The following TTYH1 variants were observed in gnomAD, a reference collection of about 807,000 sequenced individuals.
The protein encoded by TTYH1 is protein tweety homolog 1.
TTYH1 carries 33 observed loss-of-function variants against 61.2 expected under a neutral mutation model. The ratio of observed to expected loss-of-function variants is 0.54; its 90% CI spans 0.41 to 0.72. The LOEUF (loss-of-function observed/expected upper bound fraction) is 0.72, where lower values mean the gene tolerates loss of function less well. Among genes scored for constraint, TTYH1 ranks in the 30% least tolerant of loss-of-function variants. TTYH1 has a pLI of 0.00. For synonymous variants in TTYH1, 308 were observed against 266.4 expected (o/e 1.16, Z -1.52); for missense variants, 538 against 575.8 (o/e 0.93, Z 0.67).
In TTYH1 at chr19:54,429,376, C is replaced by T. The variant is rs372594791; in HGVS notation, c.804C>T (p.Ala268=). The part of the protein sequence containing the change: ...WGSMGLEAAT[A]VGLSDFCSNP... ...CCATGGGCCTGGAGGCAGCCACGGC[C>T]GTGGTGAGTGCCAGGGCCGGGCCAT... The change falls in exon 6 of 14, where the codon GCC becomes GCT. Residue 268 remains alanine, a synonymous_variant. Coordinates refer to ENST00000376530, the MANE Select transcript of TTYH1 (RefSeq NM_020659.4). This position sits in a 1 kb window ranked among gnomAD's most constrained non-coding sequence, Gnocchi z 5.1. The T allele has an allele frequency of 5.3e-5, 86 of 1,613,604 alleles. No homozygotes were observed. The highest frequency in any genetic ancestry group is 6.4e-5 in the Non-Finnish European group (76 of 1,179,956).
chr19:54,415,616 G>A lies in TTYH1; in HGVS notation c.64G>A (p.Ala22Thr), dbSNP rs756293532. The A allele has an allele frequency of 5.1e-6, 8 of 1,561,298 alleles. No individual in the cohort carries two copies. The highest frequency in any genetic ancestry group is 1.7e-4 in the Middle Eastern group (1 of 5,796). The change falls in exon 1 of 14, where the codon GCC becomes ACC. Residue 22 changes from alanine to threonine, a missense_variant. Transcript: ENST00000376530. This position sits in a 1 kb window ranked among gnomAD's most constrained non-coding sequence, Gnocchi z 5.2. The stretch of plus-strand genomic sequence containing the variant: ...GCATCTCCTCCACCAGCTGCCCCGC[G>A]CCGACTTCCAGCTCCGCCCGGTGCC... The part of the protein sequence containing the change: ...WVHLLHQLPR[A>T]DFQLRPVPSV...
chr19:54,419,927 G>A lies in TTYH1; in HGVS notation c.305+621G>A, dbSNP rs942376176. 1.3e-5 allele frequency among the ~76,000 whole-genome samples: 2 copies of A among 152,172 alleles called. No individual in the cohort carries two copies. Among genetic ancestry groups the A allele is most frequent in the Non-Finnish European group, 2.9e-5 (2 of 68,028 alleles). On this transcript the variant is annotated intron_variant, in intron 2 of 13. Transcript: ENST00000376530. This position sits in a 1 kb window ranked among gnomAD's most constrained non-coding sequence, Gnocchi z 6.1. ...CACCCTCCAAGAGCACCTCATCTGT[G>A]CCCAGACCTGAGCTGGTCTAATTCC...
chr19:54,430,049 G>T (rs1042446773), intron 7 of TTYH1, 92 bp downstream of exon 7: 3 of 1,147,964 alleles, frequency 2.6e-6, no homozygotes, highest in East Asian at 2.4e-5. Flanking sequence ...TGCCCAGGGT[G>T]GGGTGGGGGT....
At chr19:54,424,139 T>C (rs567997194) in intron 4 of TTYH1, among the ~76,000 whole-genome samples, 16 of 150,474 alleles carry the variant, frequency 1.1e-4, no homozygotes, top group Non-Finnish European at 2.4e-4. Context: ...CCAGCCTGGG[T>C]GACGGAGCGA....
Position 54,431,197 on chromosome 19 carries a change from G to A in TTYH1, c.1125+6G>A, listed in dbSNP as rs747127407. On this transcript the variant is annotated splice_donor_region_variant and intron_variant, in intron 10 of 13. Coordinates refer to ENST00000376530, the MANE Select transcript of TTYH1 (RefSeq NM_020659.4). ...ACTGCCGCAGCCTGCACAAGGTGAA[G>A]CCCCTCCCCTCCCAATTTCTTCTCC... 11 of 1,609,360 alleles carry A rather than the reference G, an allele frequency of 6.8e-6. No homozygotes were observed. In the South Asian group the frequency reaches 1.1e-4, roughly 16 times the overall value.
At position 54,419,058 on chromosome 19, in the gene TTYH1, C is replaced by T. The variant is rs552248367; in HGVS notation, c.127-70C>T. 1.4e-3 allele frequency: 2,045 copies of T among 1,479,010 alleles called. 29 individuals are homozygous for T. Among genetic ancestry groups the T allele is most frequent in the Non-Finnish European group, 1.9e-4 (204 of 1,092,610 alleles). The allele number at this position is 1,479,010 out of a possible 1,614,324, so 91.6% of individuals were successfully genotyped here. A position where few individuals can be genotyped will look rare whatever the true frequency, so the allele number is the denominator to read the frequency against. ...ATCCCAGACCCCGACCCCCCAGCCACGCAGGAAGGGGGATCTGAGTGTGGA... is the reference window on the plus strand; with the variant it reads ...ATCCCAGACCCCGACCCCCCAGCCATGCAGGAAGGGGGATCTGAGTGTGGA... On this transcript the variant is annotated intron_variant, in intron 1 of 13. Transcript: ENST00000376530. This position sits in a 1 kb window ranked among gnomAD's most constrained non-coding sequence, Gnocchi z 6.1.
In TTYH1 at chr19:54,436,720, G is replaced by C; in HGVS notation, c.*430G>C. The C allele has an allele frequency of 2.8e-6, 1 of 354,776 alleles. No homozygotes were observed. Among genetic ancestry groups the C allele is most frequent in the Admixed American group, 4.1e-5 (1 of 24,258 alleles). 22.0% of individuals were successfully genotyped at this position (354,776 alleles called of 1,614,324 possible). ...AAAAGGGAAGACTATTTTACAAGCA[G>C]CTGGGTCCTCCTTATTTCTCCTCTC... On this transcript the variant is annotated 3_prime_UTR_variant, in exon 14 of 14. Coordinates refer to ENST00000376530, the MANE Select transcript of TTYH1 (RefSeq NM_020659.4). The surrounding 1 kb of genome is among the most constrained non-coding windows in gnomAD (Gnocchi z 4.3).
In TTYH1 at chr19:54,436,793, C is replaced by G. The variant is rs548776500; in HGVS notation, c.*503C>G. 3.2e-3 allele frequency: 619 copies of G among 190,936 alleles called. 5 individuals carry two copies. The highest frequency in any genetic ancestry group is 5.6e-3 in the Non-Finnish European group (519 of 92,516). The allele number at this position is 190,936 out of a possible 1,614,324, so 11.8% of individuals were successfully genotyped here. A position where few individuals can be genotyped will look rare whatever the true frequency, so the allele number is the denominator to read the frequency against. On this transcript the variant is annotated 3_prime_UTR_variant, in exon 14 of 14. Coordinates refer to ENST00000376530, the MANE Select transcript of TTYH1 (RefSeq NM_020659.4). The surrounding 1 kb of genome is among the most constrained non-coding windows in gnomAD (Gnocchi z 4.3). ...GGGCTGGGACATCCTCCCTGCTGTC[C>G]TCTCTCCCCCGGCCTCCCAGCTGCC...
chr19:54,426,766 C>A lies in TTYH1; in HGVS notation c.732C>A (p.Ile244=). The A allele has an allele frequency of 6.2e-7, 1 of 1,613,372 alleles. No individual in the cohort carries two copies. Among genetic ancestry groups the A allele is most frequent in the Non-Finnish European group, 8.5e-7 (1 of 1,179,840 alleles). The change falls in exon 5 of 14, where the codon ATC becomes ATA. Residue 244 remains isoleucine (I), a splice_region_variant and synonymous_variant. Coordinates refer to ENST00000376530, the MANE Select transcript of TTYH1 (RefSeq NM_020659.4). ...GLAKQSKWLV[I]VMTVMSLLVL... is the part of the protein sequence containing the mutation. ...CGAAGCAGAGCAAGTGGCTGGTGATCGTGTAAGTGCAGGCAGTAGGGGGAC... is the reference window on the plus strand; with the variant it reads ...CGAAGCAGAGCAAGTGGCTGGTGATAGTGTAAGTGCAGGCAGTAGGGGGAC...
At chr19:54,424,798 G>C (rs2083290077) in intron 4 of TTYH1, among the ~76,000 whole-genome samples, 1 of 152,238 alleles carries the variant, frequency 6.6e-6, no homozygotes, top group South Asian at 2.1e-4. Context: ...CCAGAGACCA[G>C]GGTAAGGAGT....
In TTYH1 at chr19:54,421,418, G is replaced by A. The variant is rs748288492; in HGVS notation, c.417+30G>A. ...GGGGCCAGCAACCAGTGGGACCCCA[G>A]ACCCACACCTGGACGGGCTCCCCAC... On this transcript the variant is annotated intron_variant, in intron 3 of 13. Transcript: ENST00000376530. The surrounding 1 kb of genome is among the most constrained non-coding windows in gnomAD (Gnocchi z 4.8). 1.2e-5 allele frequency: 17 copies of A among 1,467,274 alleles called. No individual in the cohort carries two copies. The highest frequency in any genetic ancestry group is 3.4e-4 in the Middle Eastern group (2 of 5,814). The allele number at this position is 1,467,274 out of a possible 1,614,324, so 90.9% of individuals were successfully genotyped here.
At chr19:54,431,029 G>A (rs898323357) in intron 9 of TTYH1, 70 bp from the exon 10 acceptor site, 7 of 1,483,760 alleles carry the variant, frequency 4.7e-6, no homozygotes, top group Non-Finnish European at 6.5e-6. Flanking sequence ...GGGCGGGGAC[G>A]CAGGGCGGGG....
chr19:54,433,918 G>A (rs756206434), intron 10 of TTYH1, among the ~76,000 whole-genome samples: 1 of 151,942 alleles, frequency 6.6e-6, no homozygotes, highest in Non-Finnish European at 1.5e-5. Flanking sequence ...TGCCTGGCAG[G>A]GCTGTTGTGA....
chr19:54,417,355 T>C (rs1291664215), intron 1 of TTYH1, among the ~76,000 whole-genome samples: 1 of 149,726 alleles, frequency 6.7e-6, no homozygotes, highest in Non-Finnish European at 1.5e-5. Context: ...ATTACACACA[T>C]GCACACACAC....
intron 5 of TTYH1, 128 bp downstream of exon 5, chr19:54,426,896 GAGTC>G: frequency 1.3e-6 from 1 of 796,504 alleles, no homozygotes. Context: ...GAAGAAAAGA[GAGTC>G]AGAGCAGCCC....
At chr19:54,430,427 A>G in intron 7 of TTYH1, 123 bp from the exon 8 acceptor site, 3 of 1,062,686 alleles carry the variant, frequency 2.8e-6, no homozygotes, top group South Asian at 2.7e-5. Context: ...AGGTAAGGCC[A>G]TCGGGCTCCA....
In TTYH1 at chr19:54,419,533, C is replaced by A. The variant is rs1039536308; in HGVS notation, c.305+227C>A. 1.4e-6 allele frequency: 1 copy of A among 709,000 alleles called. No individual in the cohort carries two copies. Among genetic ancestry groups the A allele is most frequent in the African/African-American group, 1.7e-5 (1 of 57,354 alleles). The allele number at this position is 709,000 out of a possible 1,614,324, so 43.9% of individuals were successfully genotyped here. On this transcript the variant is annotated intron_variant, in intron 2 of 13. Coordinates refer to ENST00000376530, the MANE Select transcript of TTYH1 (RefSeq NM_020659.4). The surrounding 1 kb of genome is among the most constrained non-coding windows in gnomAD (Gnocchi z 6.1). ...CTCTGGAGAGGAAGTGAATCAAGGG[C>A]AGCCATCTGGTGAGAAGGCGCAGGG...
chr19:54,419,189 C>T lies in TTYH1; in HGVS notation c.188C>T (p.Ala63Val), dbSNP rs375809807. ...LGLGLSLIFI[A>V]VYLIRFCCCR... The stretch of plus-strand genomic sequence containing the variant: ...TTGGGCCTGAGCCTCATTTTCATCG[C>T]TGTCTACCTCATCCGCTTCTGCTGC... The change falls in exon 2 of 14, where the codon GCT becomes GTT. Residue 63 changes from alanine to valine, a missense_variant. By Grantham distance (64) the Ala-to-Val change is moderately conservative (BLOSUM62 0). Around this residue, in one of 3 missense-constraint regions of TTYH1, gnomAD observed 157 missense variants for 157.0 expected, o/e 1.00. Coordinates refer to ENST00000376530, the MANE Select transcript of TTYH1 (RefSeq NM_020659.4). The surrounding 1 kb of genome is among the most constrained non-coding windows in gnomAD (Gnocchi z 6.1). 4.3e-6 allele frequency: 7 copies of T among 1,613,036 alleles called. No individual in the cohort carries two copies. In the South Asian group the frequency reaches 6.6e-5, roughly 15 times the overall value.
rs2083417032 is a variant in TTYH1, at chr19:54,430,590, C to T, written c.924C>T (p.Ser308=). The change falls in exon 8 of 14, where the codon TCC becomes TCT. Residue 308 remains serine (S), a synonymous_variant. Coordinates refer to ENST00000376530, the MANE Select transcript of TTYH1 (RefSeq NM_020659.4). Reference sequence around the variant, plus strand: ...ATCTCCTCTGCAACCGGGCCGTCTCCAACCCCTTCCAACAGGTTAGGGCTG... The same window carrying T: ...ATCTCCTCTGCAACCGGGCCGTCTCTAACCCCTTCCAACAGGTTAGGGCTG... ...SYYLLCNRAV[S]NPFQQRLTLS... is the part of the protein sequence containing the mutation. 7 of 1,613,310 alleles carry T rather than the reference C, an allele frequency of 4.3e-6. No homozygotes were observed. Among genetic ancestry groups the T allele is most frequent in the Non-Finnish European group, 5.9e-6 (7 of 1,179,722 alleles).
Sources: gnomAD v4.1 joint callset for allele counts (sites outside exome capture counted in the v4.1 genomes callset) on GRCh38, gnomAD v4.1.1 for gene constraint, gnomAD v4.1.1 regional missense constraint, Gnocchi (gnomAD v3.1) non-coding constraint, MANE v1.5 for transcripts, NCBI Gene and HGNC (gene_info 2026-07-23, HGNC 2026-07-21) for gene names.